The following SCP2 variants were observed in gnomAD, a reference collection of about 807,000 sequenced individuals.
The protein encoded by SCP2 is SCP-2/3-oxoacyl-CoA thiolase.
In SCP2, 48 loss-of-function variants were observed where a neutral mutation model predicts 71.4. The observed-to-expected ratio is 0.67, with a 90% confidence interval of 0.53 to 0.86. The LOEUF (loss-of-function observed/expected upper bound fraction) is 0.86, where lower values mean the gene tolerates loss of function less well. Ranked by LOEUF, SCP2 falls within the 40% of genes least tolerant of loss-of-function variation. SCP2 has a pLI of 0.00. For missense variants in SCP2, 560 were observed against 655.6 expected, an observed-to-expected ratio of 0.85 and a Z score of 1.59; for synonymous variants, 220 against 218.1, an observed-to-expected ratio of 1.01 and a Z score of -0.08.
intron 11 of SCP2, among the ~76,000 whole-genome samples, chr1:53,013,109 T>C (rs1476792800): frequency 1.4e-5 from 2 of 140,256 alleles, no homozygotes; most frequent in Non-Finnish European, 3.0e-5. Context: ...GAGCTACCTT[T>C]TTTTTTTTTT....
intron 4 of SCP2, among the ~76,000 whole-genome samples, chr1:52,952,672 C>T (rs1252882850): frequency 7.9e-5 from 12 of 151,968 alleles, no homozygotes; most frequent in East Asian, 7.7e-4. Context: ...GAGGCTGAGG[C>T]GGGAGGATCA....
At chr1:52,976,564 A>G (rs1487457954) in intron 7 of SCP2, 119 bp from the exon 8 acceptor site, 1 of 696,448 alleles carries the variant, frequency 1.4e-6, no homozygotes. Context: ...ATGGCTATTC[A>G]TAAAAATCTG....
At chr1:52,985,113 G>C (rs1028372924) in intron 10 of SCP2, among the ~76,000 whole-genome samples, 2 of 152,114 alleles carry the variant, frequency 1.3e-5, no homozygotes, top group Non-Finnish European at 2.9e-5. Context: ...AAAGTGCTGG[G>C]ATTACAGGTG....
chr1:52,966,532 T>G (rs1418515878), intron 6 of SCP2, among the ~76,000 whole-genome samples: 8 of 151,622 alleles, frequency 5.3e-5, no homozygotes, highest in Non-Finnish European at 1.5e-5. Context: ...AAATCATTAT[T>G]TGTAAGTGAT....
intron 15 of SCP2, chr1:53,050,171 T>A (rs1313781874): frequency 4.6e-6 from 1 of 215,892 alleles, no homozygotes; most frequent in Non-Finnish European, 9.3e-6. Flanking sequence ...TAGGGATAAG[T>A]CCTTTATCAT....
chr1:53,009,481 C>CA (rs1660847675), intron 11 of SCP2, among the ~76,000 whole-genome samples: 1 of 152,190 alleles, frequency 6.6e-6, no homozygotes, highest in Non-Finnish European at 1.5e-5. Context: ...CACACATCTA[C>CA]AACCATCTGA....
intron 12 of SCP2, among the ~76,000 whole-genome samples, chr1:53,021,717 T>G (rs1661757422): frequency 6.7e-6 from 1 of 149,980 alleles, no homozygotes; most frequent in African/African-American, 2.5e-5. Flanking sequence ...TGATCTCATC[T>G]CACTACAATC....
chr1:52,936,576 T>G (rs1412027959), intron 1 of SCP2, among the ~76,000 whole-genome samples: 1 of 152,206 alleles, frequency 6.6e-6, no homozygotes, highest in Non-Finnish European at 1.5e-5. Context: ...TCTGGGAAAC[T>G]GTAGGTCAAA....
At chr1:53,047,423 T>A (rs1663891206) in intron 14 of SCP2, among the ~76,000 whole-genome samples, 3 of 152,252 alleles carry the variant, frequency 2.0e-5, no homozygotes, top group Admixed American at 2.0e-4. Flanking sequence ...TTACTATTAG[T>A]AATATATTGG....
chr1:53,037,950 TACACACACACACACACACAC>T (rs67763248), intron 13 of SCP2, among the ~76,000 whole-genome samples: 10 of 120,362 alleles, frequency 8.3e-5, no homozygotes, highest in Admixed American at 1.7e-4. Context: ...CCTGTCTCTA[TACACACACACACACACACAC>T]ACACACACAC....
chr1:53,002,449 A>C (rs977031658), intron 11 of SCP2, among the ~76,000 whole-genome samples: 2 of 152,226 alleles, frequency 1.3e-5, no homozygotes, highest in Admixed American at 1.3e-4. Flanking sequence ...GGCCGGATAC[A>C]AGAGAACTTT....
chr1:52,931,703 T>G (rs762289722), intron 1 of SCP2, among the ~76,000 whole-genome samples: 43 of 152,310 alleles, frequency 2.8e-4, no homozygotes, highest in Middle Eastern at 6.8e-3. Flanking sequence ...TGCAGAGAGC[T>G]TCCTTCAGGC....
At chr1:52,961,762 G>A (rs1372581926) in intron 6 of SCP2, 133 bp downstream of exon 6, 2 of 796,830 alleles carry the variant, frequency 2.5e-6, no homozygotes, top group Admixed American at 2.3e-5. Flanking sequence ...GAATTAAATC[G>A]AAGTAATAGT....
chr1:53,028,151 G>A, intron 13 of SCP2, 80 bp downstream of exon 13: 1 of 770,126 alleles, frequency 1.3e-6, no homozygotes, highest in South Asian at 1.4e-5. Flanking sequence ...TTGCCACGAG[G>A]TGGTACAATT....
intron 11 of SCP2, among the ~76,000 whole-genome samples, chr1:52,992,685 A>G (rs1463405963): frequency 6.6e-6 from 1 of 152,224 alleles, no homozygotes; most frequent in Non-Finnish European, 1.5e-5. Context: ...AAGTTGTAGT[A>G]TAAGTAAAGG....
intron 15 of SCP2, 194 bp from the exon 16 acceptor site, chr1:53,050,415 A>G: frequency 1.9e-6 from 1 of 530,984 alleles, no homozygotes; most frequent in Non-Finnish European, 3.4e-6. Flanking sequence ...CTGATCTGCA[A>G]AAAGTGTGGC....
chr1:52,964,391 G>A lies in SCP2; in HGVS notation c.523+2762G>A, dbSNP rs151044163. Among the ~76,000 whole-genome samples, 865 of 151,456 alleles carry A rather than the reference G, an allele frequency of 5.7e-3. 7 individuals are homozygous for A. Among genetic ancestry groups the A allele is most frequent in the Middle Eastern group, 0.014 (4 of 292 alleles). Reference sequence around the variant, plus strand: ...CATTTTTTGTATTTTTAGTAGAGACGGGGTTTCACCATGTTAGCCGGGATG... The same window carrying A: ...CATTTTTTGTATTTTTAGTAGAGACAGGGTTTCACCATGTTAGCCGGGATG... On this transcript the variant is annotated intron_variant, in intron 6 of 15. Coordinates refer to ENST00000371514, the MANE Select transcript of SCP2 (RefSeq NM_002979.5).
In SCP2 at chr1:53,011,011, C is replaced by T. The variant is rs1660956621; in HGVS notation, c.1082-3879C>T. On this transcript the variant is annotated intron_variant, in intron 11 of 15. Coordinates refer to ENST00000371514, the MANE Select transcript of SCP2 (RefSeq NM_002979.5). ...CAAAGCCTGTTGGGTGGTCTCTTCA[C>T]ATGGACGTGCGTGACAAATTTTATA... is the stretch of plus-strand genomic sequence containing the variant. Among the ~76,000 whole-genome samples the T allele has an allele frequency of 2.0e-5, 3 of 152,284 alleles. No homozygotes were observed. The South Asian group carries it at 6.2e-4, about 32-fold the overall frequency.
intron 14 of SCP2, among the ~76,000 whole-genome samples, chr1:53,042,021 G>A (rs1182310000): frequency 2.0e-5 from 3 of 152,112 alleles, no homozygotes; most frequent in African/African-American, 7.2e-5. Context: ...ATTGATGAGA[G>A]ATGAATGAAA....
Sources: allele counts gnomAD v4.1 joint callset (sites outside exome capture counted in the v4.1 genomes callset), GRCh38; gene constraint gnomAD v4.1.1; transcripts MANE v1.5; gene names NCBI Gene and HGNC (gene_info 2026-07-23, HGNC 2026-07-21).